MR1: variants seen among roughly 807,000 people sequenced by gnomAD.
MR1 encodes major histocompatibility complex, class I-related.
Under a neutral mutation model 37.8 loss-of-function variants are expected in MR1, and 44 were observed. The ratio of observed to expected loss-of-function variants is 1.16; its 90% CI spans 0.91 to 1.50. MR1 has a LOEUF of 1.50. Ranked by LOEUF, MR1 falls within the 40% of genes most tolerant of loss-of-function variation. The pLI, the probability that MR1 is intolerant of heterozygous loss-of-function variation, is 0.00. For synonymous variants in MR1, 153 were observed against 155.8 expected, an observed-to-expected ratio of 0.98 and a Z score of 0.13; for missense variants, 386 against 419.1, an observed-to-expected ratio of 0.92 and a Z score of 0.69.
rs141060718 is a variant in MR1, at chr1:181,046,556, A to C, written c.68-2496A>C. Among the ~76,000 whole-genome samples, 1,056 of 152,266 alleles carry C rather than the reference A, an allele frequency of 6.9e-3. 14 individuals carry two copies. Among genetic ancestry groups the C allele is most frequent in the African/African-American group, 0.024 (980 of 41,552 alleles). ...CTAGCTGAGGGATGGTAAACGCACC[A>C]ATCAGTGCCCTGTCAAAACAGACCA... is the stretch of plus-strand genomic sequence containing the variant. On this transcript the variant is annotated intron_variant, in intron 1 of 5. Transcript: ENST00000367580.
At chr1:181,042,871 A>T (rs1454178716) in intron 1 of MR1, among the ~76,000 whole-genome samples, 2 of 152,134 alleles carry the variant, frequency 1.3e-5, no homozygotes, top group Non-Finnish European at 2.9e-5. Context: ...CAAACCACAG[A>T]AATAAAGTGT....
chr1:181,054,410 G>C, intron 5 of MR1, among the ~76,000 whole-genome samples: 1 of 152,150 alleles, frequency 6.6e-6, no homozygotes, highest in East Asian at 1.9e-4. Context: ...TTGATCACAG[G>C]ATAGTACCGA....
At chr1:181,042,983 C>A (rs1657649663) in intron 1 of MR1, among the ~76,000 whole-genome samples, 2 of 152,166 alleles carry the variant, frequency 1.3e-5, no homozygotes, top group East Asian at 3.9e-4. Flanking sequence ...AAAGCAAAGT[C>A]CCTGTTCTTA....
chr1:181,047,396 C>T (rs141749661), intron 1 of MR1, among the ~76,000 whole-genome samples: 1,534 of 150,602 alleles, frequency 0.01, 23 homozygotes, highest in African/African-American at 0.036. Flanking sequence ...GTCAGGAATT[C>T]GAGACCAGCC....
At chr1:181,050,372 G>A (rs780547857) in intron 3 of MR1, 86 bp downstream of exon 3, 11 of 1,542,432 alleles carry the variant, frequency 7.1e-6, no homozygotes, top group Admixed American at 5.3e-5. Flanking sequence ...TATATCCACT[G>A]TATCCTGAAA....
Position 181,061,314 on chromosome 1 carries a change from G to C in MR1, c.*6049G>C, listed in dbSNP as rs1658889126. On this transcript the variant is annotated 3_prime_UTR_variant, in exon 6 of 6. Transcript: ENST00000367580. ...GAAAAATGAACCCTTCTTCTGGGAG[G>C]ACGCCAGCCCAGGCCAGGTCACCCG... 1 of 152,190 alleles carries C rather than the reference G, an allele frequency of 6.6e-6. No individual in the cohort carries two copies. The highest frequency in any genetic ancestry group is 6.5e-5 in the Admixed American group (1 of 15,286). The allele number at this position is 152,190 out of a possible 1,614,324, so 9.4% of individuals were successfully genotyped here.
At position 181,052,480 on chromosome 1, in the gene MR1, G is replaced by C; in HGVS notation, c.850G>C (p.Gly284Arg). The C allele has an allele frequency of 6.2e-7, 1 of 1,613,928 alleles. No homozygotes were observed. The highest frequency in any genetic ancestry group is 1.1e-5 in the South Asian group (1 of 91,074). The change falls in exon 4 of 6, where the codon GGT (glycine) becomes CGT (arginine). Residue 284 changes from glycine to arginine, a missense_variant. Physicochemically the swap from Gly to Arg is moderately radical, Grantham distance 125 (BLOSUM62 -2). Transcript: ENST00000367580. ...TTACTCCTGTCATGTGGAGCACTGC[G>C]GTGTCCACATGGTTCTTCAGGTCCC... ...NLYSCHVEHC[G>R]VHMVLQVPQE...
intron 1 of MR1, among the ~76,000 whole-genome samples, chr1:181,035,157 T>G (rs958579516): frequency 1.3e-5 from 2 of 151,568 alleles, no homozygotes; most frequent in East Asian, 3.9e-4. Context: ...AAAAATTAGC[T>G]CGGCACACCC....
At chr1:181,052,533 T>C in intron 4 of MR1, 23 bp downstream of exon 4, 1 of 1,603,066 alleles carries the variant, frequency 6.2e-7, no homozygotes, top group South Asian at 1.1e-5. Flanking sequence ...ATCGTGGCTG[T>C]CTAGGGAGAG....
rs17374514 is a variant in MR1, at chr1:181,050,213, T to C, written c.531T>C (p.Asn177=). The change falls in exon 3 of 6, where the codon AAT becomes AAC. Residue 177 remains asparagine (N), a synonymous_variant. Coordinates refer to ENST00000367580, the MANE Select transcript of MR1 (RefSeq NM_001385161.1). ...ANQHELLYQK[N]WLEEECIAWL... ...AGCATGAGTTGCTGTATCAAAAGAA[T>C]TGGCTGGAAGAAGAATGTATTGCCT... The C allele has an allele frequency of 1.2e-6, 2 of 1,614,126 alleles. No homozygotes were observed. The highest frequency in any genetic ancestry group is 1.7e-5 in the Admixed American group (1 of 60,022).
rs767816725 is a variant in MR1 at position 181,053,651 on chromosome 1, T to A, written c.959T>A (p.Val320Asp). 1 of 1,613,818 alleles carries A rather than the reference T, an allele frequency of 6.2e-7. No individual in the cohort carries two copies. The highest frequency in any genetic ancestry group is 8.5e-7 in the Non-Finnish European group (1 of 1,179,736). Residue 320 changes from valine to aspartate, a missense_variant, in exon 5 of 6, where the codon GTT (valine) becomes GAT (aspartate). By Grantham distance (152) the Val-to-Asp change is radical. Coordinates refer to ENST00000367580, the MANE Select transcript of MR1 (RefSeq NM_001385161.1). ...VLVIVLAGVG[V>D]LVWRRRPREQ... ...GTCATTGTGCTGGCTGGAGTTGGTG[T>A]TCTAGTCTGGAGAAGAAGGCCCCGA...
At position 181,046,658 on chromosome 1, in the gene MR1, C is replaced by T. The variant is rs1036172289; in HGVS notation, c.68-2394C>T. 1.2e-4 allele frequency among the ~76,000 whole-genome samples: 18 copies of T among 152,104 alleles called. 1 individual carries two copies. The highest frequency in any genetic ancestry group is 8.5e-4 in the Admixed American group (13 of 15,278). ...AGCAGGCTGCCCGAGCCAGCAGTGG[C>T]AACCGTCTCGGGTCCGCTTCCACAC... is the stretch of plus-strand genomic sequence containing the variant. On this transcript the variant is annotated intron_variant, in intron 1 of 5. Transcript: ENST00000367580.
At chr1:181,046,335 G>A (rs1657866306) in intron 1 of MR1, among the ~76,000 whole-genome samples, 1 of 152,224 alleles carries the variant, frequency 6.6e-6, no homozygotes, top group African/African-American at 2.4e-5. Context: ...CTAGCTAAGG[G>A]ATTGTAAATA....
At chr1:181,045,644 C>T (rs1657811331) in intron 1 of MR1, among the ~76,000 whole-genome samples, 1 of 152,184 alleles carries the variant, frequency 6.6e-6, no homozygotes, top group Non-Finnish European at 1.5e-5. Context: ...GCTTGGATCC[C>T]ATAACACTGA....
chr1:181,047,564 A>G (rs1026280799), intron 1 of MR1, among the ~76,000 whole-genome samples: 1 of 151,838 alleles, frequency 6.6e-6, no homozygotes, highest in East Asian at 1.9e-4. Context: ...ACGCCACTGC[A>G]CTCCAGCCTG....
At chr1:181,053,275 A>C (rs1487139965) in intron 4 of MR1, among the ~76,000 whole-genome samples, 1 of 151,606 alleles carries the variant, frequency 6.6e-6, no homozygotes, top group Non-Finnish European at 1.5e-5. Flanking sequence ...CCAGCTACTG[A>C]GGAGGCTAAG....
rs71121068 is a variant in MR1, at chr1:181,056,405, A to ATAATAATAG, written c.*1140_*1141insTAATAATAG. 68 of 146,094 alleles carry ATAATAATAG rather than the reference A, an allele frequency of 4.7e-4. No individual in the cohort carries two copies. Among genetic ancestry groups the ATAATAATAG allele is most frequent in the African/African-American group, 5.6e-4 (22 of 38,948 alleles). The allele number at this position is 146,094 out of a possible 1,614,324, so 9.0% of individuals were successfully genotyped here. A position where few individuals can be genotyped will look rare whatever the true frequency, so the allele number is the denominator to read the frequency against. On this transcript the variant is annotated 3_prime_UTR_variant, in exon 6 of 6. Transcript: ENST00000367580. ...AATAATAATAATAATAATAATAATA[A>ATAATAATAG]CAGTATATTTGGTGTCAGGAGAGGG...
At chr1:181,053,027 T>C (rs1658408058) in intron 4 of MR1, among the ~76,000 whole-genome samples, 2 of 151,878 alleles carry the variant, frequency 1.3e-5, no homozygotes, top group Admixed American at 6.6e-5. Context: ...ATCGCACCAC[T>C]ACACTCCAGC....
rs1276217581 is a variant in MR1 at position 181,050,064 on chromosome 1, A to G, written c.382A>G (p.Thr128Ala). The G allele has an allele frequency of 6.2e-7, 1 of 1,613,762 alleles. No homozygotes were observed. The highest frequency in any genetic ancestry group is 8.5e-7 in the Non-Finnish European group (1 of 1,180,036). The change falls in exon 3 of 6, where the codon ACC becomes GCC. Residue 128 changes from threonine (T) to alanine (A), a missense_variant. By Grantham distance (58) the Thr-to-Ala change is moderately conservative (BLOSUM62 0). Coordinates refer to ENST00000367580, the MANE Select transcript of MR1 (RefSeq NM_001385161.1). Reference sequence around the variant, plus strand: ...CTGTGAGCTGCTGGAGGATGGAAGCACCACAGGATTTCTGCAGTATGCATA... The same window carrying G: ...CTGTGAGCTGCTGGAGGATGGAAGCGCCACAGGATTTCTGCAGTATGCATA... The part of the protein sequence containing the change: ...IGCELLEDGS[T>A]TGFLQYAYDG...
Sources: allele counts gnomAD v4.1 joint callset (sites outside exome capture counted in the v4.1 genomes callset), GRCh38; gene constraint gnomAD v4.1.1; transcripts MANE v1.5; gene names NCBI Gene and HGNC (gene_info 2026-07-23, HGNC 2026-07-21).